Variants in TCF4 observed in about 807,000 individuals in gnomAD.
TCF4 encodes the protein SL3-3 enhancer factor 2.
A neutral mutation model predicts 82.1 loss-of-function variants in TCF4; 3 were observed. The observed-to-expected ratio is 0.04, with a 90% CI of 0.02 to 0.09. TCF4 has a LOEUF of 0.09. Ranked by LOEUF, TCF4 falls within the 10% of genes least tolerant of loss-of-function variation. TCF4 has a pLI of 1.00. For missense variants in TCF4, 518 were observed against 852.7 expected (o/e 0.61, Z 4.89); for synonymous variants, 276 against 309.6 (o/e 0.89, Z 1.14).
chr18:55,401,798 A>C (rs977924650), intron 6 of TCF4: 6 of 985,450 alleles, frequency 6.1e-6, no homozygotes, highest in Non-Finnish European at 7.2e-6. Context: ...GAAAGGATAC[A>C]GGGGTGAGGA....
intron 3 of TCF4, among the ~76,000 whole-genome samples, chr18:55,520,365 T>C (rs1341124660): frequency 1.3e-5 from 2 of 152,180 alleles, no homozygotes; most frequent in Non-Finnish European, 2.9e-5. Context: ...TATAGATATG[T>C]ATATATAAAA....
rs558102470 is a variant in TCF4 at position 55,338,378 on chromosome 18, G to C, written c.549+11981C>G. ...GCTTTGAAAGCACAGGGGACGGAGA[G>C]GCACTATCCGCAGGCTCAGACAGAA... On this transcript the variant is annotated intron_variant, in intron 8 of 19. Transcript: ENST00000354452. Among the ~76,000 whole-genome samples, 13 of 152,294 alleles carry C rather than the reference G, an allele frequency of 8.5e-5. No homozygotes were observed. The South Asian group carries it at 2.7e-3, about 32-fold the overall frequency.
At chr18:55,281,706 C>A in intron 8 of TCF4, among the ~76,000 whole-genome samples, 1 of 149,896 alleles carries the variant, frequency 6.7e-6, no homozygotes, top group East Asian at 1.9e-4. Context: ...AAGGTTTATC[C>A]TTTTTCTTTT....
At chr18:55,536,160 A>C (rs1302466783) in intron 3 of TCF4, among the ~76,000 whole-genome samples, 1 of 152,220 alleles carries the variant, frequency 6.6e-6, no homozygotes, top group Admixed American at 6.5e-5. Context: ...AAATATATAG[A>C]AACAACATCA....
At chr18:55,381,752 C>A (rs528309388) in intron 6 of TCF4, among the ~76,000 whole-genome samples, 1 of 152,266 alleles carries the variant, frequency 6.6e-6, no homozygotes, top group South Asian at 2.1e-4. Context: ...CATTACATTG[C>A]ATGGAATTTA....
chr18:55,620,900 T>A (rs1419729101), intron 2 of TCF4, among the ~76,000 whole-genome samples: 8 of 152,048 alleles, frequency 5.3e-5, no homozygotes, highest in Admixed American at 5.2e-4. Context: ...CAACAAACAT[T>A]TATGTACCAG....
chr18:55,416,603 A>C (rs947510108), intron 5 of TCF4, among the ~76,000 whole-genome samples: 4 of 152,228 alleles, frequency 2.6e-5, no homozygotes, highest in African/African-American at 9.6e-5. Flanking sequence ...ACTTGAGAGA[A>C]CTTAATTTAT....
At chr18:55,438,183 G>A (rs930452283) in intron 5 of TCF4, among the ~76,000 whole-genome samples, 35 of 150,154 alleles carry the variant, frequency 2.3e-4, no homozygotes, top group Non-Finnish European at 4.3e-4. Flanking sequence ...CCTGAGTGAC[G>A]GAGTGAGACT....
chr18:55,356,914 A>C (rs1275885711), intron 6 of TCF4, among the ~76,000 whole-genome samples: 12 of 152,192 alleles, frequency 7.9e-5, no homozygotes, highest in Admixed American at 7.9e-4. Flanking sequence ...TTCACCAAAC[A>C]CTCAAAAATT....
At chr18:55,550,104 T>A (rs1440558102) in intron 3 of TCF4, among the ~76,000 whole-genome samples, 2 of 152,194 alleles carry the variant, frequency 1.3e-5, no homozygotes. Context: ...AAGTTATATA[T>A]CTCGTGATTT....
intron 15 of TCF4, among the ~76,000 whole-genome samples, chr18:55,239,866 G>C (rs1405446863): frequency 6.6e-6 from 1 of 152,138 alleles, no homozygotes; most frequent in African/African-American, 2.4e-5. Flanking sequence ...TGCTCTCTTT[G>C]TTTCCAGGGA....
At chr18:55,552,735 C>A (rs1367430976) in intron 3 of TCF4, among the ~76,000 whole-genome samples, 1 of 152,206 alleles carries the variant, frequency 6.6e-6, no homozygotes, top group Admixed American at 6.5e-5. Context: ...AGCTGCAGAA[C>A]CCCCGGACTG....
At chr18:55,557,006 T>C (rs1482907912) in intron 3 of TCF4, among the ~76,000 whole-genome samples, 1 of 152,200 alleles carries the variant, frequency 6.6e-6, no homozygotes, top group Non-Finnish European at 1.5e-5. Flanking sequence ...CCCCTATTTA[T>C]TGCTCATCAT....
intron 5 of TCF4, among the ~76,000 whole-genome samples, chr18:55,431,372 C>T (rs978954617): frequency 1.5e-4 from 23 of 152,138 alleles, no homozygotes; most frequent in African/African-American, 5.1e-4. Flanking sequence ...CTCCGCCTTC[C>T]GGGTTCAAGC....
intron 2 of TCF4, among the ~76,000 whole-genome samples, chr18:55,605,794 G>A (rs2097701704): frequency 6.6e-6 from 1 of 152,320 alleles, no homozygotes; most frequent in East Asian, 1.9e-4. Flanking sequence ...GCAAATAGGG[G>A]CAACAGAGGC....
At chr18:55,506,867 CT>C (rs901825211) in intron 3 of TCF4, among the ~76,000 whole-genome samples, 209 of 139,646 alleles carry the variant, frequency 1.5e-3, no homozygotes, top group East Asian at 2.7e-3. Flanking sequence ...TTTTTTTTTT[CT>C]TTTTTTTTTT....
intron 6 of TCF4, among the ~76,000 whole-genome samples, chr18:55,353,476 T>G (rs1230653918): frequency 6.6e-6 from 1 of 152,204 alleles, no homozygotes; most frequent in Non-Finnish European, 1.5e-5. Flanking sequence ...TCCTTAGACC[T>G]GTTTGTTCCT....
At chr18:55,301,963 C>T (rs575440776) in intron 8 of TCF4, among the ~76,000 whole-genome samples, 2 of 152,270 alleles carry the variant, frequency 1.3e-5, no homozygotes, top group South Asian at 2.1e-4. Flanking sequence ...ATGATTTAAG[C>T]TCAATTTACA....
At chr18:55,321,803 T>G (rs995098522) in intron 8 of TCF4, 8 of 1,501,452 alleles carry the variant, frequency 5.3e-6, no homozygotes, top group Non-Finnish European at 7.1e-6. Flanking sequence ...TCGCTGTCCC[T>G]TTTTTCACAA....
Sources: allele counts gnomAD v4.1 joint callset (sites outside exome capture counted in the v4.1 genomes callset), GRCh38; gene constraint gnomAD v4.1.1; transcripts MANE v1.5; gene names NCBI Gene and HGNC (gene_info 2026-07-23, HGNC 2026-07-21).